GATA4: variants seen among roughly 807,000 people sequenced by gnomAD.
The protein encoded by GATA4 is transcription factor GATA-4.
Under a neutral mutation model 37.9 loss-of-function variants are expected in GATA4, and 7 were observed. The observed-to-expected ratio is 0.18, with a 90% confidence interval of 0.11 to 0.35. GATA4 has a LOEUF of 0.35. Ranked by LOEUF, GATA4 falls within the 10% of genes least tolerant of loss-of-function variation. The pLI is 1.00. For synonymous variants in GATA4, 372 were observed against 292.6 expected (o/e 1.27, Z -2.77); for missense variants, 647 against 653.0 (o/e 0.99, Z 0.10).
At chr8:11,715,432 T>G (rs925194559) in intron 2 of GATA4, among the ~76,000 whole-genome samples, 1 of 152,188 alleles carries the variant, frequency 6.6e-6, no homozygotes, top group Non-Finnish European at 1.5e-5. Flanking sequence ...ACAGGGAAGT[T>G]AAAGTTAAGT....
chr8:11,697,643 C>T, intron 1 of GATA4: 1 of 985,444 alleles, frequency 1.0e-6, no homozygotes, highest in Non-Finnish European at 1.2e-6. Context: ...AGCACAGCCC[C>T]CCTTTCAGAG....
chr8:11,740,526 C>T (rs1046348599), intron 2 of GATA4, among the ~76,000 whole-genome samples: 18 of 152,222 alleles, frequency 1.2e-4, no homozygotes, highest in African/African-American at 2.4e-4. Flanking sequence ...GGCCCAGGCC[C>T]CTCCACTCTG....
intron 2 of GATA4, among the ~76,000 whole-genome samples, chr8:11,746,730 C>A (rs1319932232): frequency 6.6e-6 from 1 of 151,770 alleles, no homozygotes; most frequent in East Asian, 1.9e-4. Context: ...CAGCTGGGAG[C>A]AAGCTATGGG....
upstream of GATA4, among the ~76,000 whole-genome samples, chr8:11,699,410 T>C: frequency 6.6e-6 from 1 of 151,936 alleles, no homozygotes; most frequent in East Asian, 1.9e-4. Flanking sequence ...GAGGAGGCAA[T>C]CCCCGAAGAA....
At chr8:11,677,354 G>A (rs1798817777) in intron 1 of GATA4, among the ~76,000 whole-genome samples, 1 of 152,214 alleles carries the variant, frequency 6.6e-6, no homozygotes, top group Non-Finnish European at 1.5e-5. Flanking sequence ...TTCCACTGAG[G>A]TGGCATTTTA....
intron 1 of GATA4, chr8:11,681,083 G>T (rs1798955297): frequency 2.1e-6 from 2 of 963,742 alleles, no homozygotes; most frequent in Non-Finnish European, 2.5e-6. Flanking sequence ...GACATTGAGG[G>T]GCATGGGTGG....
intron 1 of GATA4, among the ~76,000 whole-genome samples, chr8:11,704,792 C>T (rs1799819208): frequency 6.6e-6 from 1 of 152,216 alleles, no homozygotes; most frequent in South Asian, 2.1e-4. Context: ...CCTCAGGGGC[C>T]CCCGGGAGCC....
intron 2 of GATA4, among the ~76,000 whole-genome samples, chr8:11,735,224 A>T (rs1404390425): frequency 1.3e-5 from 2 of 152,220 alleles, no homozygotes; most frequent in South Asian, 2.1e-4. Flanking sequence ...GAAATATTTC[A>T]TATTTTTTAA....
chr8:11,757,232 T>A, intron 6 of GATA4, 149 bp downstream of exon 6: 1 of 1,263,830 alleles, frequency 7.9e-7, no homozygotes, highest in Non-Finnish European at 1.1e-6. Flanking sequence ...ACCCAGCCAT[T>A]GAGCTGTGTG....
At chr8:11,722,354 T>G (rs1161017537) in intron 2 of GATA4, among the ~76,000 whole-genome samples, 1 of 152,248 alleles carries the variant, frequency 6.6e-6, no homozygotes. Flanking sequence ...GTCTGAAAAG[T>G]ACGAGGACTC....
chr8:11,687,389 A>G (rs1443639697), intron 1 of GATA4, among the ~76,000 whole-genome samples: 1 of 152,054 alleles, frequency 6.6e-6, no homozygotes, highest in East Asian at 1.9e-4. Flanking sequence ...TTTTGTAATA[A>G]TCTCCACCTG....
intron 1 of GATA4, chr8:11,692,990 G>A (rs1479147784): frequency 3.0e-6 from 3 of 985,344 alleles, no homozygotes; most frequent in Non-Finnish European, 3.6e-6. Context: ...TCCATCACCC[G>A]GGCTGCACCC....
chr8:11,682,877 G>A (rs1173821052), intron 1 of GATA4, among the ~76,000 whole-genome samples: 1 of 152,186 alleles, frequency 6.6e-6, no homozygotes, highest in African/African-American at 2.4e-5. Context: ...GAATCTAACA[G>A]TTACCCTCTT....
rs764182591 is a variant in GATA4 at position 11,758,462 on chromosome 8, T to A, written c.1319T>A (p.Ile440Lys). 1 of 1,614,052 alleles carries A rather than the reference T, an allele frequency of 6.2e-7. No homozygotes were observed. Residue 440 changes from isoleucine (I) to lysine (K), a missense_variant, in exon 7 of 7, where the codon ATA becomes AAA. By Grantham distance (102) the Ile-to-Lys change is moderately radical. This residue lies in a region of GATA4 where 184 missense variants were observed against 157.1 expected (regional missense o/e 1.17). Coordinates refer to ENST00000532059, the MANE Select transcript of GATA4 (RefSeq NM_001308093.3). ...SLVLADSHGD[I>K]ITA is the part of the protein sequence containing the mutation. Reference sequence around the variant, plus strand: ...GTCTTGGCCGACAGTCACGGGGACATAATCACTGCGTAATCTTCCCTCTTC... The same window carrying A: ...GTCTTGGCCGACAGTCACGGGGACAAAATCACTGCGTAATCTTCCCTCTTC...
chr8:11,680,731 G>C, intron 1 of GATA4: 1 of 985,312 alleles, frequency 1.0e-6, no homozygotes, highest in South Asian at 4.7e-5. Context: ...GGATACCCTG[G>C]GCGGCGAGGA....
At chr8:11,742,978 G>T (rs917141016) in intron 2 of GATA4, among the ~76,000 whole-genome samples, 17 of 152,238 alleles carry the variant, frequency 1.1e-4, no homozygotes, top group Admixed American at 1.0e-3. Context: ...CTGGGCTGGG[G>T]TCTGGCCTTT....
In GATA4 at chr8:11,704,545, T is replaced by C. The variant is rs140128623; in HGVS notation, c.-458+241T>C. 3.0e-3 allele frequency among the ~76,000 whole-genome samples: 458 copies of C among 152,368 alleles called. 5 individuals carry two copies. Among genetic ancestry groups the C allele is most frequent in the African/African-American group, 0.01 (420 of 41,594 alleles). ...AAATATTGGAAGCGCCTTTGGATTC[T>C]TTCCGTGTGAACTTGAACGCTTTCA... is the stretch of plus-strand genomic sequence containing the variant. On this transcript the variant is annotated intron_variant, in intron 1 of 6. Transcript: ENST00000532059.
intron 1 of GATA4, chr8:11,692,810 G>A: frequency 1.0e-6 from 1 of 982,120 alleles, no homozygotes; most frequent in South Asian, 4.7e-5. Flanking sequence ...CCGGCGCAGC[G>A]GGCGCCAGGC....
intron 1 of GATA4, among the ~76,000 whole-genome samples, chr8:11,683,563 T>TTTCA (rs766990410): frequency 2.6e-5 from 4 of 152,218 alleles, no homozygotes; most frequent in Non-Finnish European, 4.4e-5. Context: ...CCCCCCATTC[T>TTTCA]TTCATTCATT....
Sources: gnomAD v4.1 joint callset for allele counts (sites outside exome capture counted in the v4.1 genomes callset) on GRCh38, gnomAD v4.1.1 for gene constraint, gnomAD v4.1.1 regional missense constraint, MANE v1.5 for transcripts, NCBI Gene and HGNC (gene_info 2026-07-23, HGNC 2026-07-21) for gene names.